Variants in SMARCD2 observed in about 807,000 individuals in gnomAD.
The protein encoded by SMARCD2 is SWI/SNF related BAF chromatin remodeling complex subunit D2, also known as SWI/SNF-related matrix-associated actin-dependent regulator of chromatin subfamily D member 2.
SMARCD2 carries 39 observed loss-of-function variants against 70.4 expected under a neutral mutation model. The ratio of observed to expected loss-of-function variants is 0.55; its 90% CI spans 0.43 to 0.72. SMARCD2 has a LOEUF of 0.72. SMARCD2 is among the 30% of genes least tolerant of loss of function. The pLI is 0.00. For synonymous variants in SMARCD2, 249 were observed against 279.4 expected (o/e 0.89, Z 1.08); for missense variants, 540 against 713.4 (o/e 0.76, Z 2.77).
intron 1 of SMARCD2, among the ~76,000 whole-genome samples, chr17:63,839,433 A>C (rs1439147019): frequency 6.6e-6 from 1 of 152,100 alleles, no homozygotes; most frequent in East Asian, 1.9e-4. Context: ...CCACCCAGAC[A>C]TCTGCTCCAG....
intron 4 of SMARCD2, among the ~76,000 whole-genome samples, chr17:63,835,989 A>G (rs1199827938): frequency 3.9e-5 from 6 of 151,928 alleles, no homozygotes; most frequent in Non-Finnish European, 7.4e-5. Flanking sequence ...TCGGCCTCCT[A>G]AAGTGCTGAG....
At chr17:63,842,361 G>A in intron 1 of SMARCD2, 98 bp downstream of exon 1, 3 of 1,205,106 alleles carry the variant, frequency 2.5e-6, no homozygotes, top group Non-Finnish European at 3.1e-6. Context: ...AGTTCCTCAT[G>A]CATTCCCCAG....
rs2040222101 is a variant in SMARCD2, at chr17:63,833,511, T to C, written c.1317+76A>G. The C allele has an allele frequency of 6.2e-7, 1 of 1,610,188 alleles. No individual in the cohort carries two copies. Among genetic ancestry groups the C allele is most frequent in the South Asian group, 1.1e-5 (1 of 90,926 alleles). ...CCCATCCCGTCCTCCAGGTGCTACA[T>C]GTATGGAAATGCTGGACAGAGCCAG... On this transcript the variant is annotated intron_variant, in intron 10 of 12. Transcript: ENST00000448276. The surrounding 1 kb of genome is among the most constrained non-coding windows in gnomAD (Gnocchi z 4.3).
chr17:63,841,139 G>A (rs1904445584), intron 1 of SMARCD2, among the ~76,000 whole-genome samples: 2 of 152,258 alleles, frequency 1.3e-5, no homozygotes, highest in Non-Finnish European at 2.9e-5. Flanking sequence ...TCCCCAACGG[G>A]GACAGCAAGG....
chr17:63,836,842 A>G (rs1598359152), intron 4 of SMARCD2, 80 bp downstream of exon 4: 15 of 1,472,566 alleles, frequency 1.0e-5, no homozygotes, highest in African/African-American at 4.2e-5. Context: ...CTCTAGCCCA[A>G]CTTGCTTGGC....
At chr17:63,836,218 C>A (rs1204345686) in intron 4 of SMARCD2, among the ~76,000 whole-genome samples, 1 of 151,156 alleles carries the variant, frequency 6.6e-6, no homozygotes, top group South Asian at 2.1e-4. Flanking sequence ...GACTGTTCTA[C>A]ATTATTATTA....
Position 63,834,029 on chromosome 17 carries a change from A to G in SMARCD2, c.1084-23T>C, listed in dbSNP as rs770664616. ...GATCTGGAGGAAATACGAAAGGCTC[A>G]GCGTTGGCTTGTGGGCACAGTGGAG... On this transcript the variant is annotated intron_variant, in intron 8 of 12. Coordinates refer to ENST00000448276, the MANE Select transcript of SMARCD2 (RefSeq NM_001098426.2). The surrounding 1 kb of genome is among the most constrained non-coding windows in gnomAD (Gnocchi z 5.6). The G allele has an allele frequency of 3.7e-6, 6 of 1,607,316 alleles. No homozygotes were observed. The highest frequency in any genetic ancestry group is 1.7e-5 in the Admixed American group (1 of 59,988).
At position 63,834,733 on chromosome 17, in the gene SMARCD2, A is replaced by G; in HGVS notation, c.791T>C (p.Leu264Pro). 1 of 1,613,756 alleles carries G rather than the reference A, an allele frequency of 6.2e-7. No individual in the cohort carries two copies. Among genetic ancestry groups the G allele is most frequent in the Non-Finnish European group, 8.5e-7 (1 of 1,179,624 alleles). Residue 264 changes from leucine (L) to proline (P), a missense_variant, in exon 6 of 13, where the codon CTG becomes CCG. Coordinates refer to ENST00000448276, the MANE Select transcript of SMARCD2 (RefSeq NM_001098426.2). This position sits in a 1 kb window ranked among gnomAD's most constrained non-coding sequence, Gnocchi z 5.6. ...CACCAGGTGATTGTCAGGCCCGTACAGCTCCTTGTCCAGCTCAATGACGAG... is the reference window on the plus strand; with the variant it reads ...CACCAGGTGATTGTCAGGCCCGTACGGCTCCTTGTCCAGCTCAATGACGAG... ...KSLVIELDKELYGPDNHLVEW... is the reference protein window; with the variant it reads ...KSLVIELDKEPYGPDNHLVEW...
Position 63,833,366 on chromosome 17 carries a change from G to A in SMARCD2, c.1372C>T (p.Leu458Phe). Residue 458 changes from leucine (L) to phenylalanine (F), a missense_variant, in exon 11 of 13, where the codon CTC becomes TTC. Transcript: ENST00000448276. The surrounding 1 kb of genome is among the most constrained non-coding windows in gnomAD (Gnocchi z 4.3). ...NQLKTQRDFM[L>F]SFSTDPQDFI... ...TCCTGGGGGTCGGTGCTAAAACTGA[G>A]CATGAAATCTCTCTGGGTCTTCAGC... The A allele has an allele frequency of 6.2e-7, 1 of 1,614,018 alleles. No homozygotes were observed. The highest frequency in any genetic ancestry group is 8.5e-7 in the Non-Finnish European group (1 of 1,179,906).
At chr17:63,842,422 C>T (rs922144346) in intron 1 of SMARCD2, 37 bp downstream of exon 1, 24 of 1,332,706 alleles carry the variant, frequency 1.8e-5, no homozygotes, top group Middle Eastern at 2.9e-4. Flanking sequence ...CCTCGCAGCG[C>T]CTCTCGCCCC....
Position 63,832,726 on chromosome 17 carries a change from G to A in SMARCD2, c.*212C>T. On this transcript the variant is annotated 3_prime_UTR_variant, in exon 13 of 13. Transcript: ENST00000448276. ...CTGCAGGGGGGCAGAGGAGGCATCTGCTGAACCCAATTAAAGCCAATGCAA... is the reference window on the plus strand; with the variant it reads ...CTGCAGGGGGGCAGAGGAGGCATCTACTGAACCCAATTAAAGCCAATGCAA... 1.7e-6 allele frequency: 1 copy of A among 597,414 alleles called. No homozygotes were observed. The highest frequency in any genetic ancestry group is 2.0e-5 in the South Asian group (1 of 50,156). The allele number at this position is 597,414 out of a possible 1,614,324, so 37.0% of individuals were successfully genotyped here.
chr17:63,840,318 C>CA (rs1904408277), intron 1 of SMARCD2, among the ~76,000 whole-genome samples: 1 of 147,898 alleles, frequency 6.8e-6, no homozygotes, highest in African/African-American at 2.6e-5. Flanking sequence ...CATAAGCGCA[C>CA]ACCACCATGC....
Position 63,833,351 on chromosome 17 carries a change from C to T in SMARCD2, c.1387G>A (p.Asp463Asn), listed in dbSNP as rs775183361. ...QRDFMLSFST[D>N]PQDFIQEWLR... ...CATTCCTGGATGAAGTCCTGGGGGT[C>T]GGTGCTAAAACTGAGCATGAAATCT... is the stretch of plus-strand genomic sequence containing the variant. Residue 463 changes from aspartate (D) to asparagine (N), a missense_variant, in exon 11 of 13, where the codon GAC (aspartate) becomes AAC (asparagine). Physicochemically the swap from Asp to Asn is conservative, Grantham distance 23 (BLOSUM62 1). Coordinates refer to ENST00000448276, the MANE Select transcript of SMARCD2 (RefSeq NM_001098426.2). The surrounding 1 kb of genome is among the most constrained non-coding windows in gnomAD (Gnocchi z 4.3). 4.5e-5 allele frequency: 72 copies of T among 1,613,804 alleles called. No homozygotes were observed. The highest frequency in any genetic ancestry group is 1.6e-4 in the Middle Eastern group (1 of 6,084).
Position 63,833,928 on chromosome 17 carries a change from C to T in SMARCD2, c.1162G>A (p.Val388Ile). The T allele has an allele frequency of 1.2e-6, 2 of 1,612,722 alleles. No homozygotes were observed. The highest frequency in any genetic ancestry group is 1.7e-6 in the Non-Finnish European group (2 of 1,178,684). ...ATTTACCTAATGACATGGTTGATGA[C>T]AATGGGGTCTGGATGCTGCAGCAAC... ...AGLLQHPDPIVINHVISVDPN... is the reference protein window; with the variant it reads ...AGLLQHPDPIIINHVISVDPN... The change falls in exon 9 of 13, where the codon GTC becomes ATC. Residue 388 changes from valine (V) to isoleucine (I), a missense_variant. Coordinates refer to ENST00000448276, the MANE Select transcript of SMARCD2 (RefSeq NM_001098426.2). This position sits in a 1 kb window ranked among gnomAD's most constrained non-coding sequence, Gnocchi z 4.3.
intron 1 of SMARCD2, chr17:63,838,596 GA>G: frequency 6.7e-7 from 1 of 1,482,096 alleles, no homozygotes. Context: ...GATGCCTGCA[GA>G]AGGATTTCCC....
rs1210643054 is a variant in SMARCD2 at position 63,834,857 on chromosome 17, G to A, written c.724-57C>T. On this transcript the variant is annotated intron_variant, in intron 5 of 12. Transcript: ENST00000448276. This position sits in a 1 kb window ranked among gnomAD's most constrained non-coding sequence, Gnocchi z 5.6. ...GCTGAGCTCTCAAATCTCAAGCTAT[G>A]CTAAATCCCAAGAAAGAGAAGCCCC... is the stretch of plus-strand genomic sequence containing the variant. The A allele has an allele frequency of 3.3e-6, 4 of 1,215,744 alleles. No homozygotes were observed. Among genetic ancestry groups the A allele is most frequent in the Non-Finnish European group, 4.9e-6 (4 of 820,706 alleles). 75.3% of individuals were successfully genotyped at this position (1,215,744 alleles called of 1,614,324 possible). A position where few individuals can be genotyped will look rare whatever the true frequency, so the allele number is the denominator to read the frequency against.
In SMARCD2 at chr17:63,837,302, G is replaced by T; in HGVS notation, c.402-65C>A. 1 of 1,551,472 alleles carries T rather than the reference G, an allele frequency of 6.4e-7. No homozygotes were observed. Among genetic ancestry groups the T allele is most frequent in the Non-Finnish European group, 8.9e-7 (1 of 1,123,158 alleles). The stretch of plus-strand genomic sequence containing the variant: ...AAAAAAGGACACTCACTCCCATAAC[G>T]CCCCTCCAGTCTCCAGGACCCTCTC... On this transcript the variant is annotated intron_variant, in intron 2 of 12. Coordinates refer to ENST00000448276, the MANE Select transcript of SMARCD2 (RefSeq NM_001098426.2). This position sits in a 1 kb window ranked among gnomAD's most constrained non-coding sequence, Gnocchi z 6.4.
In SMARCD2 at chr17:63,832,607, G is replaced by C. The variant is rs79978746; in HGVS notation, c.*331C>G. 2,190 of 407,856 alleles carry C rather than the reference G, an allele frequency of 5.4e-3. 38 individuals carry two copies. Among genetic ancestry groups the C allele is most frequent in the African/African-American group, 0.041 (2,053 of 49,490 alleles). 25.3% of individuals were successfully genotyped at this position (407,856 alleles called of 1,614,324 possible). ...GAGCCAGCTCTGACCCTCGCCCCAG[G>C]GGGAGTCTGTAAACATGCAAACCCA... On this transcript the variant is annotated 3_prime_UTR_variant, in exon 13 of 13. Transcript: ENST00000448276.
At chr17:63,839,034 G>C in intron 1 of SMARCD2, 1 of 985,310 alleles carries the variant, frequency 1.0e-6, no homozygotes, top group East Asian at 1.1e-4. Flanking sequence ...TTCAAAGTGG[G>C]GGGCTCTGGG....
Sources: gnomAD v4.1 joint callset for allele counts (sites outside exome capture counted in the v4.1 genomes callset) on GRCh38, gnomAD v4.1.1 for gene constraint, Gnocchi (gnomAD v3.1) non-coding constraint, MANE v1.5 for transcripts, NCBI Gene and HGNC (gene_info 2026-07-23, HGNC 2026-07-21) for gene names.